PCDHA3: variants seen among roughly 807,000 people sequenced by gnomAD.
The protein encoded by PCDHA3 is protocadherin alpha 3, also known as protocadherin alpha-3.
A neutral mutation model predicts 62.2 loss-of-function variants in PCDHA3; 41 were observed. That is an observed-to-expected ratio of 0.66 (90% CI 0.51 to 0.86). The LOEUF (loss-of-function observed/expected upper bound fraction) is 0.86. PCDHA3 is among the 40% of genes least tolerant of loss of function. The pLI, the probability that PCDHA3 is intolerant of heterozygous loss-of-function variation, is 0.00. For synonymous variants in PCDHA3, 640 were observed against 555.4 expected (o/e 1.15, Z -2.14); for missense variants, 1,304 against 1,241.2 (o/e 1.05, Z -0.76).
At chr5:140,968,141 A>G in intron 1 of PCDHA3, 1 of 1,614,110 alleles carries the variant, frequency 6.2e-7, no homozygotes, top group Non-Finnish European at 8.5e-7. Context: ...GAAGGTTGAG[A>G]TCTCTGACAT....
At chr5:140,806,396 C>G (rs1763725675) in intron 1 of PCDHA3, among the ~76,000 whole-genome samples, 1 of 152,164 alleles carries the variant, frequency 6.6e-6, no homozygotes, top group African/African-American at 2.4e-5. Context: ...CTCATGGGAG[C>G]AAATGAGTTC....
In PCDHA3 at chr5:141,010,358, C is replaced by G; in HGVS notation, c.*421C>G. 1 of 1,488,620 alleles carries G rather than the reference C, an allele frequency of 6.7e-7. No homozygotes were observed. The highest frequency in any genetic ancestry group is 1.3e-5 in the South Asian group (1 of 76,158). 92.2% of individuals were successfully genotyped at this position (1,488,620 alleles called of 1,614,324 possible). On this transcript the variant is annotated 3_prime_UTR_variant, in exon 4 of 4. Transcript: ENST00000522353. ...GTGGCCACTGGGTATGTGTGGCTAC[C>G]GCGGGTATGCGAGTGCCAGATATTG...
intron 1 of PCDHA3, among the ~76,000 whole-genome samples, chr5:140,891,891 A>G (rs1278331991): frequency 5.9e-5 from 9 of 152,214 alleles, no homozygotes; most frequent in Admixed American, 5.9e-4. Flanking sequence ...GTGACGATGC[A>G]GCAAGAAGAT....
In PCDHA3 at chr5:140,843,250, G is replaced by C; in HGVS notation, c.2394+39659G>C. The stretch of plus-strand genomic sequence containing the variant: ...GTGTCCTGGACGAAGCGGACTCTCC[G>C]CGCCACCGTCTGCTGGTCCTGGTGA... On this transcript the variant is annotated intron_variant, in intron 1 of 3. Transcript: ENST00000522353. 14 of 1,596,012 alleles carry C rather than the reference G, an allele frequency of 8.8e-6. 3 individuals carry two copies. Among genetic ancestry groups the C allele is most frequent in the Non-Finnish European group, 1.1e-5 (13 of 1,165,570 alleles).
intron 1 of PCDHA3, chr5:140,848,580 G>A: frequency 6.3e-7 from 1 of 1,595,144 alleles, no homozygotes; most frequent in Non-Finnish European, 8.6e-7. Flanking sequence ...GGTGGGGAGC[G>A]GCCAGCTCCA....
intron 1 of PCDHA3, chr5:140,834,473 G>C: frequency 6.2e-7 from 1 of 1,614,140 alleles, no homozygotes; most frequent in Non-Finnish European, 8.5e-7. Context: ...GGAGAGGCCA[G>C]CTCCACTACT....
chr5:140,872,662 A>G (rs1554166315), intron 1 of PCDHA3, among the ~76,000 whole-genome samples: 2 of 152,132 alleles, frequency 1.3e-5, no homozygotes, highest in Admixed American at 1.3e-4. Context: ...TTTGTCAACT[A>G]TTGGATACTC....
At position 140,934,119 on chromosome 5, in the gene PCDHA3, C is replaced by A. The variant is rs1339301991; in HGVS notation, c.2395-44830C>A. Among the ~76,000 whole-genome samples, 6 of 152,170 alleles carry A rather than the reference C, an allele frequency of 3.9e-5. No individual in the cohort carries two copies. In the East Asian group the frequency reaches 1.2e-3, roughly 29 times the overall value. ...GCTTTCTATTTTATTAATTTTCATA[C>A]TTTATTAATTTATTTCCTTCCTTAT... On this transcript the variant is annotated intron_variant, in intron 1 of 3. Transcript: ENST00000522353.
intron 1 of PCDHA3, chr5:140,966,778 G>A: frequency 6.6e-7 from 1 of 1,512,496 alleles, no homozygotes; most frequent in Non-Finnish European, 8.8e-7. Flanking sequence ...TGGAGCAGGC[G>A]GGCACCAGAC....
chr5:140,928,297 G>A, intron 1 of PCDHA3: 1 of 1,614,112 alleles, frequency 6.2e-7, no homozygotes, highest in Non-Finnish European at 8.5e-7. Flanking sequence ...CCGAGTGTTT[G>A]CCCAGGACCC....
At chr5:140,834,956 T>G (rs2150229347) in intron 1 of PCDHA3, 2 of 1,534,454 alleles carry the variant, frequency 1.3e-6, no homozygotes, top group African/African-American at 1.5e-5. Context: ...AGGTAAAACC[T>G]CTTGGACTTG....
intron 1 of PCDHA3, among the ~76,000 whole-genome samples, chr5:140,872,762 G>A (rs545441914): frequency 6.6e-6 from 1 of 152,066 alleles, no homozygotes; most frequent in African/African-American, 2.4e-5. Flanking sequence ...ATGCATATAG[G>A]GCTATATTAT....
At chr5:140,905,033 T>C (rs1325621385) in intron 1 of PCDHA3, among the ~76,000 whole-genome samples, 3 of 152,234 alleles carry the variant, frequency 2.0e-5, no homozygotes, top group African/African-American at 7.2e-5. Context: ...AGAAGCTTTT[T>C]AGTTTAATTA....
intron 1 of PCDHA3, chr5:140,836,636 C>A (rs2150266431): frequency 5.6e-6 from 9 of 1,613,404 alleles, no homozygotes; most frequent in Admixed American, 3.3e-5. Context: ...GGTCATTCTC[C>A]CAGCAGAGGC....
At chr5:140,862,382 G>A (rs1213049114) in intron 1 of PCDHA3, 1 of 345,048 alleles carries the variant, frequency 2.9e-6, no homozygotes, top group East Asian at 7.5e-5. Context: ...GACTCCTCAC[G>A]TCTCTTCAAG....
intron 1 of PCDHA3, chr5:140,869,187 C>G (rs782446170): frequency 2.5e-6 from 4 of 1,613,830 alleles, no homozygotes; most frequent in African/African-American, 1.3e-5. Flanking sequence ...AGGTGGGGAG[C>G]GGCCAGCTCC....
rs141079325 is a variant in PCDHA3 at position 140,900,797 on chromosome 5, T to C, written c.2395-78152T>C. Among the ~76,000 whole-genome samples the C allele has an allele frequency of 8.0e-3, 1,218 of 152,324 alleles. 6 individuals carry two copies. Among genetic ancestry groups the C allele is most frequent in the African/African-American group, 0.019 (783 of 41,568 alleles). On this transcript the variant is annotated intron_variant, in intron 1 of 3. Coordinates refer to ENST00000522353, the MANE Select transcript of PCDHA3 (RefSeq NM_018906.3). ...TGAGGAAACTCCAAACTGTTCTCCA[T>C]AGTGCTTGTACTAATTTACATTCCC...
At chr5:141,007,318 A>C (rs2098314985) in intron 3 of PCDHA3, among the ~76,000 whole-genome samples, 1 of 151,736 alleles carries the variant, frequency 6.6e-6, no homozygotes, top group South Asian at 2.1e-4. Flanking sequence ...TGGGAGGCTA[A>C]AGTGGACAGA....
At chr5:140,966,447 C>G (rs373859357) in intron 1 of PCDHA3, 3 of 425,206 alleles carry the variant, frequency 7.1e-6, no homozygotes, top group Non-Finnish European at 8.2e-6. Flanking sequence ...CTCCCTTTCC[C>G]CCTCCCCCTC....
Sources: gnomAD v4.1 joint callset for allele counts (sites outside exome capture counted in the v4.1 genomes callset) on GRCh38, gnomAD v4.1.1 for gene constraint, MANE v1.5 for transcripts, NCBI Gene and HGNC (gene_info 2026-07-23, HGNC 2026-07-21) for gene names.